The following PRKCZ variants were observed in gnomAD, a reference collection of about 807,000 sequenced individuals.
PRKCZ encodes protein kinase C zeta type.
PRKCZ carries 33 observed loss-of-function variants against 79.5 expected under a neutral mutation model. The ratio of observed to expected loss-of-function variants is 0.41; its 90% CI spans 0.31 to 0.55. The LOEUF is 0.55. Among genes scored for constraint, PRKCZ ranks in the 20% least tolerant of loss-of-function variants. PRKCZ has a pLI of 0.19. For missense variants in PRKCZ, 578 were observed against 813.5 expected (o/e 0.71, Z 3.52); for synonymous variants, 342 against 320.9 (o/e 1.07, Z -0.70).
chr1:2,150,031 G>A (rs1445684393), intron 8 of PRKCZ, among the ~76,000 whole-genome samples: 7 of 150,620 alleles, frequency 4.6e-5, no homozygotes, highest in Non-Finnish European at 8.9e-5. Context: ...GCGTGGTGGC[G>A]GGCGCCTGTA....
In PRKCZ at chr1:2,094,888, C is replaced by A. The variant is rs1324636027; in HGVS notation, c.334+35297C>A. 6.6e-6 allele frequency among the ~76,000 whole-genome samples: 1 copy of A among 152,152 alleles called. No homozygotes were observed. Among genetic ancestry groups the A allele is most frequent in the Non-Finnish European group, 1.5e-5 (1 of 68,026 alleles). The stretch of plus-strand genomic sequence containing the variant: ...CTTCTCTTAGAGCCTGGTTTTGGCC[C>A]TCTCTCTCCTGCCTATAAAAAGCCC... On this transcript the variant is annotated intron_variant, in intron 4 of 17. Transcript: ENST00000378567. This position sits in a 1 kb window ranked among gnomAD's most constrained non-coding sequence, Gnocchi z 7.3.
rs894323462 is a variant in PRKCZ at position 2,050,460 on chromosome 1, C to T, written c.-171C>T. 8 of 240,258 alleles carry T rather than the reference C, an allele frequency of 3.3e-5. No individual in the cohort carries two copies. The highest frequency in any genetic ancestry group is 1.4e-4 in the African/African-American group (6 of 43,252). 14.9% of individuals were successfully genotyped at this position (240,258 alleles called of 1,614,324 possible). On this transcript the variant is annotated 5_prime_UTR_variant, in exon 1 of 18. Transcript: ENST00000378567. ...GCCGGACGGTCCCGCCCCGCGCGCCCCCCGCTCCCGCCCCGCGCGCCGCCG... is the reference window on the plus strand; with the variant it reads ...GCCGGACGGTCCCGCCCCGCGCGCCTCCCGCTCCCGCCCCGCGCGCCGCCG...
rs553859206 is a variant in PRKCZ at position 2,082,309 on chromosome 1, C to A, written c.334+22718C>A. 1 of 448,322 alleles carries A rather than the reference C, an allele frequency of 2.2e-6. No homozygotes were observed. The highest frequency in any genetic ancestry group is 4.5e-6 in the Non-Finnish European group (1 of 222,984). The allele number at this position is 448,322 out of a possible 1,614,324, so 27.8% of individuals were successfully genotyped here. On this transcript the variant is annotated intron_variant, in intron 4 of 17. Coordinates refer to ENST00000378567, the MANE Select transcript of PRKCZ (RefSeq NM_002744.6). This position sits in a 1 kb window ranked among gnomAD's most constrained non-coding sequence, Gnocchi z 4.4. ...GTGCAGGAGCTGGGGGCTGCCAGAGCGGCTGTTCAAGATGGACTTGGCAAA... is the reference window on the plus strand; with the variant it reads ...GTGCAGGAGCTGGGGGCTGCCAGAGAGGCTGTTCAAGATGGACTTGGCAAA...
intron 6 of PRKCZ, chr1:2,144,570 A>C: frequency 2.2e-6 from 3 of 1,385,606 alleles, no homozygotes; most frequent in Non-Finnish European, 2.8e-6. Context: ...CATGAGGCTC[A>C]GGCAGCAGGC....
chr1:2,161,880 G>A (rs375578635), intron 10 of PRKCZ, among the ~76,000 whole-genome samples: 16 of 151,994 alleles, frequency 1.1e-4, no homozygotes, highest in Middle Eastern at 3.4e-3. Context: ...TTTCAGGACC[G>A]GTCCTGAAAT....
chr1:2,056,586 G>A lies in PRKCZ; in HGVS notation c.283+13G>A, dbSNP rs1360250228. 1 of 1,610,532 alleles carries A rather than the reference G, an allele frequency of 6.2e-7. No homozygotes were observed. On this transcript the variant is annotated intron_variant, in intron 3 of 17. Transcript: ENST00000378567. Reference sequence around the variant, plus strand: ...CTCATCATTCATGGTTAGTGGCGGGGTCTGTGGTGGGCAGCTCTGGGGGGC... The same window carrying A: ...CTCATCATTCATGGTTAGTGGCGGGATCTGTGGTGGGCAGCTCTGGGGGGC...
intron 4 of PRKCZ, among the ~76,000 whole-genome samples, chr1:2,121,061 G>A (rs969879343): frequency 6.6e-6 from 1 of 151,938 alleles, no homozygotes; most frequent in African/African-American, 2.4e-5. Context: ...TGATCCGTTT[G>A]CCTCAGCCTC....
chr1:2,085,663 CAG>C (rs1362977771), intron 4 of PRKCZ, among the ~76,000 whole-genome samples: 1 of 141,504 alleles, frequency 7.1e-6, no homozygotes, highest in African/African-American at 2.6e-5. Flanking sequence ...GCCCTGTTCT[CAG>C]AGCCCGTGAG....
intron 4 of PRKCZ, among the ~76,000 whole-genome samples, chr1:2,067,685 C>T (rs1226240882): frequency 6.6e-6 from 1 of 152,166 alleles, no homozygotes; most frequent in East Asian, 1.9e-4. Flanking sequence ...CCCTCTCCCG[C>T]TTGTTTCTCC....
chr1:2,144,582 C>T (rs1017519248), intron 6 of PRKCZ: 61 of 1,372,516 alleles, frequency 4.4e-5, no homozygotes, highest in Non-Finnish European at 5.1e-5. Flanking sequence ...GCAGCAGGCT[C>T]AGGTAGGACG....
intron 5 of PRKCZ, chr1:2,141,345 CT>C (rs144339432): frequency 0.014 from 1,714 of 123,422 alleles, 14 homozygotes; most frequent in Middle Eastern, 0.049. Flanking sequence ...TTTTCTTTTT[CT>C]TTTTTTTTTT....
chr1:2,131,928 C>T lies in PRKCZ; in HGVS notation c.335-3334C>T, dbSNP rs533909152. 2.0e-5 allele frequency among the ~76,000 whole-genome samples: 3 copies of T among 152,338 alleles called. No homozygotes were observed. The South Asian group carries it at 6.2e-4, about 32-fold the overall frequency. ...CCGGGTTCACGCCATTCTCCTGCCT[C>T]AGCCTCCCAAGTAGTTGGGACTACA... On this transcript the variant is annotated intron_variant, in intron 4 of 17. Coordinates refer to ENST00000378567, the MANE Select transcript of PRKCZ (RefSeq NM_002744.6).
At position 2,185,030 on chromosome 1, in the gene PRKCZ, T is replaced by G; in HGVS notation, c.*21T>G. On this transcript the variant is annotated 3_prime_UTR_variant, in exon 18 of 18. Coordinates refer to ENST00000378567, the MANE Select transcript of PRKCZ (RefSeq NM_002744.6). The stretch of plus-strand genomic sequence containing the variant: ...TGTGAGGCCGCGTGCGTCTCTGTCG[T>G]GGACACGCGTGATTGACCCTTTAAC... 6.3e-7 allele frequency: 1 copy of G among 1,586,980 alleles called. No homozygotes were observed. Among genetic ancestry groups the G allele is most frequent in the East Asian group, 2.3e-5 (1 of 44,440 alleles).
chr1:2,086,593 G>A (rs956192284), intron 4 of PRKCZ, among the ~76,000 whole-genome samples: 4 of 152,308 alleles, frequency 2.6e-5, no homozygotes, highest in South Asian at 4.1e-4. Flanking sequence ...GGACCTGGCC[G>A]TTTCTCCACG....
chr1:2,089,787 A>T (rs776006425), intron 4 of PRKCZ, among the ~76,000 whole-genome samples: 2 of 152,180 alleles, frequency 1.3e-5, no homozygotes, highest in African/African-American at 2.4e-5. Context: ...GCAGAACTCA[A>T]TTCTCTCTCA....
intron 5 of PRKCZ, among the ~76,000 whole-genome samples, chr1:2,139,270 C>G (rs535254205): frequency 6.6e-6 from 1 of 152,278 alleles, no homozygotes; most frequent in African/African-American, 2.4e-5. Context: ...AAGACATTTT[C>G]TCTGTCAACA....
At chr1:2,097,248 C>T (rs780528392) in intron 4 of PRKCZ, among the ~76,000 whole-genome samples, 9 of 152,240 alleles carry the variant, frequency 5.9e-5, no homozygotes, top group South Asian at 2.1e-4. Flanking sequence ...TGCTGTCGTC[C>T]GGTGCAGGCC....
At position 2,178,796 on chromosome 1, in the gene PRKCZ, C is replaced by A. The variant is rs1181938423; in HGVS notation, c.1575+3483C>A. Among the ~76,000 whole-genome samples the A allele has an allele frequency of 6.6e-6, 1 of 152,182 alleles. No homozygotes were observed. Among genetic ancestry groups the A allele is most frequent in the Non-Finnish European group, 1.5e-5 (1 of 68,030 alleles). On this transcript the variant is annotated intron_variant, in intron 16 of 17. Transcript: ENST00000378567. The surrounding 1 kb of genome is among the most constrained non-coding windows in gnomAD (Gnocchi z 4.3). ...GGCACGTGTGAGGCCTTGGTCCCCACCTGTGGACTCAGGGTCTCTTTCACG... is the reference window on the plus strand; with the variant it reads ...GGCACGTGTGAGGCCTTGGTCCCCAACTGTGGACTCAGGGTCTCTTTCACG...
At chr1:2,070,543 G>A (rs1404862158) in intron 4 of PRKCZ, among the ~76,000 whole-genome samples, 2 of 152,214 alleles carry the variant, frequency 1.3e-5, no homozygotes, top group African/African-American at 4.8e-5. Context: ...TTCATGGCCA[G>A]GGATGTTAAT....
Sources: allele counts gnomAD v4.1 joint callset (sites outside exome capture counted in the v4.1 genomes callset), GRCh38; gene constraint gnomAD v4.1.1; non-coding constraint Gnocchi (gnomAD v3.1); transcripts MANE v1.5; gene names NCBI Gene and HGNC (gene_info 2026-07-23, HGNC 2026-07-21).